Variants in GALNT13 observed in about 807,000 individuals in gnomAD.
The protein encoded by GALNT13 is UDP-GalNAc:polypeptide N-acetylgalactosaminyltransferase 13.
GALNT13 carries 28 observed loss-of-function variants against 64.2 expected under a neutral mutation model. That is an observed-to-expected ratio of 0.44 (90% CI 0.32 to 0.60). GALNT13 has a LOEUF of 0.60. Among genes scored for constraint, GALNT13 ranks in the 20% least tolerant of loss-of-function variants. GALNT13 has a pLI of 0.05. For synonymous variants in GALNT13, 214 were observed against 224.6 expected, an observed-to-expected ratio of 0.95 and a Z score of 0.42; for missense variants, 577 against 669.8, an observed-to-expected ratio of 0.86 and a Z score of 1.53.
At chr2:153,163,535 C>T in the GALNT13 span, among the ~76,000 whole-genome samples, 13 of 152,160 alleles carry the variant, frequency 8.5e-5, no homozygotes, top group Non-Finnish European at 1.8e-4. Context: ...CAACTAAGCT[C>T]TCAACCCTCA....
chr2:153,540,889 A>G, the GALNT13 span, among the ~76,000 whole-genome samples: 1 of 152,344 alleles, frequency 6.6e-6, no homozygotes. Context: ...TTACAGGCTT[A>G]TAGGCAGAAG....
intron 8 of GALNT13, among the ~76,000 whole-genome samples, chr2:154,273,687 A>C (rs372340350): frequency 2.1e-4 from 32 of 152,292 alleles, no homozygotes; most frequent in African/African-American, 7.0e-4. Flanking sequence ...CATTACAGAC[A>C]CATGCTTTTC....
the GALNT13 span, among the ~76,000 whole-genome samples, chr2:153,666,508 A>G: frequency 6.6e-6 from 1 of 152,194 alleles, no homozygotes; most frequent in Non-Finnish European, 1.5e-5. Context: ...CCCCTCCAGC[A>G]CAGCAGGTGC....
chr2:153,280,949 G>T, the GALNT13 span, among the ~76,000 whole-genome samples: 1 of 152,140 alleles, frequency 6.6e-6, no homozygotes. Flanking sequence ...CTGGCGCAAT[G>T]CTGTAAGTGG....
the GALNT13 span, among the ~76,000 whole-genome samples, chr2:153,634,711 C>T: frequency 1.3e-5 from 2 of 151,644 alleles, no homozygotes; most frequent in South Asian, 2.1e-4. Context: ...CCATCACACC[C>T]GGCTAATTTT....
At chr2:153,714,863 T>G in the GALNT13 span, among the ~76,000 whole-genome samples, 1 of 152,244 alleles carries the variant, frequency 6.6e-6, no homozygotes, top group African/African-American at 2.4e-5. Flanking sequence ...CCTTACCTCC[T>G]TCTTTTCATT....
At chr2:154,249,787 T>C (rs568676665) in intron 7 of GALNT13, among the ~76,000 whole-genome samples, 14 of 152,148 alleles carry the variant, frequency 9.2e-5, no homozygotes, top group African/African-American at 2.9e-4. Flanking sequence ...ATAAATGTTA[T>C]TGGTTTTTAT....
chr2:153,126,971 A>T, the GALNT13 span, among the ~76,000 whole-genome samples: 3 of 152,128 alleles, frequency 2.0e-5, no homozygotes, highest in Non-Finnish European at 4.4e-5. Context: ...TTCAGGGCAG[A>T]TGTGAGGAGT....
chr2:153,414,875 A>T, the GALNT13 span, among the ~76,000 whole-genome samples: 37 of 152,176 alleles, frequency 2.4e-4, no homozygotes, highest in African/African-American at 8.7e-4. Flanking sequence ...ATTTACAAAT[A>T]AAAGTCTATT....
At chr2:154,015,706 A>G (rs1406369470) in intron 3 of GALNT13, among the ~76,000 whole-genome samples, 1 of 152,184 alleles carries the variant, frequency 6.6e-6, no homozygotes. Context: ...TCACATAATA[A>G]TATCTATAGG....
chr2:153,850,701 A>G, the GALNT13 span, among the ~76,000 whole-genome samples: 3 of 152,214 alleles, frequency 2.0e-5, no homozygotes, highest in African/African-American at 4.8e-5. Flanking sequence ...TAATAAACAC[A>G]TAGAATATAT....
chr2:153,781,483 T>C, the GALNT13 span, among the ~76,000 whole-genome samples: 1 of 152,164 alleles, frequency 6.6e-6, no homozygotes, highest in Non-Finnish European at 1.5e-5. Context: ...TACCATGCAC[T>C]GGGTGATGAA....
At chr2:153,770,903 G>T in the GALNT13 span, among the ~76,000 whole-genome samples, 4 of 152,324 alleles carry the variant, frequency 2.6e-5, no homozygotes, top group East Asian at 7.8e-4. Context: ...CAAGCACCTA[G>T]AGGTGTGCCT....
chr2:153,950,682 A>G (rs187940711), intron 3 of GALNT13, among the ~76,000 whole-genome samples: 2 of 152,230 alleles, frequency 1.3e-5, no homozygotes, highest in African/African-American at 4.8e-5. Context: ...TGATTAATAA[A>G]TGTTGGTATA....
chr2:153,675,372 A>G, the GALNT13 span, among the ~76,000 whole-genome samples: 1 of 152,240 alleles, frequency 6.6e-6, no homozygotes, highest in Non-Finnish European at 1.5e-5. Context: ...AGCCATAAAA[A>G]AGATGAGTTT....
chr2:153,176,748 A>C, the GALNT13 span, among the ~76,000 whole-genome samples: 1 of 149,370 alleles, frequency 6.7e-6, no homozygotes, highest in South Asian at 2.1e-4. Flanking sequence ...TCAAGAAAAA[A>C]TTCGTAGAAG....
chr2:153,858,659 T>C, the GALNT13 span, among the ~76,000 whole-genome samples: 1 of 152,190 alleles, frequency 6.6e-6, no homozygotes, highest in Non-Finnish European at 1.5e-5. Context: ...GTTCTTAATT[T>C]AGAAATTAAA....
intron 3 of GALNT13, among the ~76,000 whole-genome samples, chr2:154,135,676 C>T (rs1018633933): frequency 6.6e-6 from 1 of 151,814 alleles, no homozygotes; most frequent in African/African-American, 2.4e-5. Flanking sequence ...AAGAATTAAC[C>T]CTGAGCCACG....
intron 6 of GALNT13, among the ~76,000 whole-genome samples, chr2:154,243,111 A>G (rs1689586091): frequency 6.6e-6 from 1 of 152,360 alleles, no homozygotes; most frequent in African/African-American, 2.4e-5. Flanking sequence ...AAATAGTGAA[A>G]TAATTCAAAT....
Sources: gnomAD v4.1 joint callset for allele counts (sites outside exome capture counted in the v4.1 genomes callset) on GRCh38, gnomAD v4.1.1 for gene constraint, MANE v1.5 for transcripts, NCBI Gene and HGNC (gene_info 2026-07-23, HGNC 2026-07-21) for gene names.